Variants in SCGB2A1 observed in about 807,000 individuals in gnomAD.
SCGB2A1 encodes the protein secretoglobin family 2A member 1, also known as mammaglobin-B.
In SCGB2A1, 6 loss-of-function variants were observed where a neutral mutation model predicts 9.2. That is an observed-to-expected ratio of 0.66 (90% CI 0.36 to 1.29). The LOEUF (loss-of-function observed/expected upper bound fraction) is 1.29. Ranked by LOEUF, SCGB2A1 falls within the 50% of genes most tolerant of loss-of-function variation. SCGB2A1 has a pLI of 0.03. For missense variants in SCGB2A1, 138 were observed against 116.9 expected (o/e 1.18, Z -0.83); for synonymous variants, 37 against 41.0 (o/e 0.90, Z 0.37).
intron 2 of SCGB2A1, among the ~76,000 whole-genome samples, chr11:62,213,242 C>T (rs998266945): frequency 4.4e-4 from 67 of 151,874 alleles, no homozygotes; most frequent in African/African-American, 1.2e-3. Flanking sequence ...AGCCCAGCTC[C>T]AATATTTCAT....
intron 2 of SCGB2A1, 24 bp downstream of exon 2, chr11:62,210,624 A>T: frequency 6.7e-7 from 1 of 1,492,256 alleles, no homozygotes; most frequent in Admixed American, 2.7e-5. Flanking sequence ...CTTCTTATGT[A>T]CCCTTTGAAA....
intron 2 of SCGB2A1, among the ~76,000 whole-genome samples, chr11:62,212,913 T>TATACACACAC (rs1312379963): frequency 2.0e-5 from 3 of 148,234 alleles, no homozygotes; most frequent in African/African-American, 7.7e-5. Flanking sequence ...TATATACATA[T>TATACACACAC]ATATACACAC....
rs565064098 is a variant in SCGB2A1 at position 62,210,590 on chromosome 11, G to T, written c.233G>T (p.Gly78Val). ...TCACATAGAACTCTGAAAAACTTTG[G>T]ACTGATGATGGTAATTTGGGTTTCT... The part of the protein sequence containing the change: ...NQSHRTLKNF[G>V]LMMHTVYDSI... Residue 78 changes from glycine to valine, a missense_variant, in exon 2 of 3, where the codon GGA becomes GTA. Transcript: ENST00000244930. The T allele has an allele frequency of 2.1e-4, 323 of 1,544,048 alleles. 4 individuals are homozygous for T. The South Asian group carries it at 3.9e-3, about 19-fold the overall frequency.
At chr11:62,209,586 G>A (rs1021339702) in intron 1 of SCGB2A1, among the ~76,000 whole-genome samples, 35 of 151,978 alleles carry the variant, frequency 2.3e-4, no homozygotes, top group African/African-American at 8.0e-4. Flanking sequence ...CTCCCTTACA[G>A]TGGGAGGTGA....
At chr11:62,212,521 G>A (rs1944838616) in intron 2 of SCGB2A1, among the ~76,000 whole-genome samples, 1 of 151,840 alleles carries the variant, frequency 6.6e-6, no homozygotes, top group Non-Finnish European at 1.5e-5. Flanking sequence ...TGTAATTCCA[G>A]CTGCTTGGGT....
chr11:62,209,584 C>T (rs1944811188), intron 1 of SCGB2A1, among the ~76,000 whole-genome samples: 2 of 151,704 alleles, frequency 1.3e-5, no homozygotes, highest in Admixed American at 1.3e-4. Flanking sequence ...CTCTCCCTTA[C>T]AGTGGGAGGT....
Position 62,213,768 on chromosome 11 carries a change from T to G in SCGB2A1, c.286T>G (p.Ter96GluextTer22), listed in dbSNP as rs1462051254. ...DSIWCNMKSN[*>E] ...CATTTGGTGTAATATGAAGAGTAATTAACTTTACCCAAGGCGTTTGGCTCA... is the reference window on the plus strand; with the variant it reads ...CATTTGGTGTAATATGAAGAGTAATGAACTTTACCCAAGGCGTTTGGCTCA... Residue 96 changes from the stop codon to glutamate (E), a stop_lost, in exon 3 of 3, where the codon TAA (stop) becomes GAA (glutamate). Transcript: ENST00000244930. 1.9e-6 allele frequency: 3 copies of G among 1,613,852 alleles called. No individual in the cohort carries two copies. The highest frequency in any genetic ancestry group is 2.5e-6 in the Non-Finnish European group (3 of 1,179,864).
intron 2 of SCGB2A1, among the ~76,000 whole-genome samples, chr11:62,212,987 T>TGTACACAC (rs1565121343): frequency 9.8e-5 from 14 of 143,196 alleles, no homozygotes; most frequent in African/African-American, 3.9e-4. Flanking sequence ...TGTGCACATA[T>TGTACACAC]ACATGCATAT....
intron 1 of SCGB2A1, among the ~76,000 whole-genome samples, chr11:62,209,323 C>T (rs1188403351): frequency 6.6e-6 from 1 of 152,138 alleles, no homozygotes; most frequent in Admixed American, 6.5e-5. Flanking sequence ...GAACTCACAA[C>T]CCCTGGAGTC....
chr11:62,208,750 C>G lies in SCGB2A1; in HGVS notation c.19C>G (p.Leu7Val). MKLLMV[L>V]MLAALLLHCY... ...CCTCGCCATGAAGCTGCTGATGGTCCTCATGCTGGCGGCCCTCCTCCTGCA... is the reference window on the plus strand; with the variant it reads ...CCTCGCCATGAAGCTGCTGATGGTCGTCATGCTGGCGGCCCTCCTCCTGCA... The change falls in exon 1 of 3, where the codon CTC (leucine) becomes GTC (valine). Residue 7 changes from leucine (L) to valine (V), a missense_variant. By Grantham distance (32) the Leu-to-Val change is conservative. Coordinates refer to ENST00000244930, the MANE Select transcript of SCGB2A1 (RefSeq NM_002407.3). 1.9e-6 allele frequency: 3 copies of G among 1,613,658 alleles called. No homozygotes were observed. Among genetic ancestry groups the G allele is most frequent in the Non-Finnish European group, 2.5e-6 (3 of 1,179,918 alleles).
chr11:62,210,625 C>T, intron 2 of SCGB2A1, 25 bp downstream of exon 2: 3 of 1,491,382 alleles, frequency 2.0e-6, no homozygotes, highest in South Asian at 1.4e-5. Context: ...TTCTTATGTA[C>T]CCTTTGAAAA....
chr11:62,213,077 TAC>T (rs1175944151), intron 2 of SCGB2A1, among the ~76,000 whole-genome samples: 2 of 42,240 alleles, frequency 4.7e-5, no homozygotes, highest in African/African-American at 1.3e-4. Context: ...TATACATATA[TAC>T]ACATATATAC....
Position 62,208,802 on chromosome 11 carries a change from A to G in SCGB2A1, c.55+16A>G. On this transcript the variant is annotated intron_variant, in intron 1 of 2. Coordinates refer to ENST00000244930, the MANE Select transcript of SCGB2A1 (RefSeq NM_002407.3). Reference sequence around the variant, plus strand: ...TGCTATGCAGGTGAGTTCTGGGCAGAGAGGGCTGCTTCTGGGCTAGGAATT... The same window carrying G: ...TGCTATGCAGGTGAGTTCTGGGCAGGGAGGGCTGCTTCTGGGCTAGGAATT... The G allele has an allele frequency of 6.2e-7, 1 of 1,611,550 alleles. No individual in the cohort carries two copies. The highest frequency in any genetic ancestry group is 8.5e-7 in the Non-Finnish European group (1 of 1,178,836).
At chr11:62,209,706 A>T (rs1792938) in intron 1 of SCGB2A1, among the ~76,000 whole-genome samples, 4,484 of 149,720 alleles carry the variant, frequency 0.03, 249 homozygotes, top group African/African-American at 0.11. Flanking sequence ...TCTGTCACCC[A>T]GGCTGGGACT....
intron 2 of SCGB2A1, among the ~76,000 whole-genome samples, chr11:62,211,230 T>C (rs1272188446): frequency 6.6e-6 from 1 of 151,964 alleles, no homozygotes; most frequent in Non-Finnish European, 1.5e-5. Context: ...AGCCAGAACA[T>C]GCACATTTTT....
intron 2 of SCGB2A1, chr11:62,213,285 C>G (rs1393187772): frequency 6.2e-6 from 1 of 161,082 alleles, no homozygotes; most frequent in South Asian, 1.7e-4. Flanking sequence ...GAGTCTCAGA[C>G]TGTTACAACA....
intron 1 of SCGB2A1, 27 bp from the exon 2 acceptor site, chr11:62,210,386 C>CTTTTTTTTTT (rs201416395): frequency 3.7e-6 from 5 of 1,349,580 alleles, no homozygotes; most frequent in South Asian, 2.8e-5. Flanking sequence ...GTTCTTGTGT[C>CTTTTTTTTTT]TTTTTTTTTT....
intron 2 of SCGB2A1, among the ~76,000 whole-genome samples, chr11:62,213,059 TAC>T (rs56700815): frequency 0.28 from 33,703 of 118,928 alleles, 6,211 homozygotes; most frequent in Middle Eastern, 0.42. Context: ...TACACATATA[TAC>T]ACATATATAC....
chr11:62,213,106 A>ATATATTTTTTTTT (rs67975205), intron 2 of SCGB2A1, among the ~76,000 whole-genome samples: 9 of 116,250 alleles, frequency 7.7e-5, no homozygotes, highest in East Asian at 2.4e-4. Context: ...ATATATATAT[A>ATATATTTTTTTTT]TTTTTTTTTT....
Sources: gnomAD v4.1 joint callset for allele counts (sites outside exome capture counted in the v4.1 genomes callset) on GRCh38, gnomAD v4.1.1 for gene constraint, MANE v1.5 for transcripts, NCBI Gene and HGNC (gene_info 2026-07-23, HGNC 2026-07-21) for gene names.